Variants in METTL8 observed in about 807,000 individuals in gnomAD.
METTL8 encodes tRNA N(3)-cytidine methyltransferase METTL8, mitochondrial.
Under a neutral mutation model 48.7 loss-of-function variants are expected in METTL8, and 32 were observed. The ratio of observed to expected loss-of-function variants is 0.66; its 90% confidence interval spans 0.50 to 0.88. The LOEUF (loss-of-function observed/expected upper bound fraction) is 0.88. Ranked by LOEUF, METTL8 falls within the 40% of genes least tolerant of loss-of-function variation. The probability of loss-of-function intolerance (pLI) is 0.00; values close to 1 mark genes in which losing one functional copy is unlikely to be tolerated. For synonymous variants in METTL8, 136 were observed against 157.1 expected, an observed-to-expected ratio of 0.87 and a Z score of 1.01; for missense variants, 464 against 474.4, an observed-to-expected ratio of 0.98 and a Z score of 0.20.
In METTL8 at chr2:171,368,144, G is replaced by A. The variant is rs376279996; in HGVS notation, c.144-7631C>T. Among the ~76,000 whole-genome samples the A allele has an allele frequency of 1.1e-4, 16 of 152,316 alleles. No individual in the cohort carries two copies. The East Asian group carries it at 2.9e-3, about 28-fold the overall frequency. On this transcript the variant is annotated intron_variant, in intron 2 of 9. Coordinates refer to ENST00000375258, the MANE Select transcript of METTL8 (RefSeq NM_001321154.2). The stretch of plus-strand genomic sequence containing the variant: ...CAATTAAAAAATTTTCAATTTTGCT[G>A]ATTGATGAAGCAGTAAAAACTATTA...
chr2:171,359,939 T>TG (rs1367976779), intron 3 of METTL8, among the ~76,000 whole-genome samples: 1 of 152,200 alleles, frequency 6.6e-6, no homozygotes, highest in East Asian at 1.9e-4. Context: ...AAGCCATTTA[T>TG]GAAGGTTGGC....
intron 1 of METTL8, among the ~76,000 whole-genome samples, chr2:171,405,279 A>C (rs1167103237): frequency 6.6e-6 from 1 of 152,164 alleles, no homozygotes; most frequent in African/African-American, 2.4e-5. Context: ...TGGTGGCTGA[A>C]GTCGAGAGGG....
chr2:171,408,008 G>A (rs1018058622), intron 1 of METTL8, among the ~76,000 whole-genome samples: 1 of 152,154 alleles, frequency 6.6e-6, no homozygotes, highest in Non-Finnish European at 1.5e-5. Context: ...TTTATAATGA[G>A]AGTTGCAATT....
intron 7 of METTL8, chr2:171,327,058 T>A (rs1685035630): frequency 6.6e-6 from 1 of 152,248 alleles, no homozygotes; most frequent in South Asian, 2.1e-4. Context: ...TGCTTGGCCC[T>A]GAGCAGCCTC....
rs1684388856 is a variant in METTL8, at chr2:171,318,877, TC to T, written c.*5294del. 6.6e-6 allele frequency: 1 copy of T among 152,018 alleles called. No homozygotes were observed. The highest frequency in any genetic ancestry group is 6.6e-5 in the Admixed American group (1 of 15,252). 9.4% of individuals were successfully genotyped at this position (152,018 alleles called of 1,614,324 possible). Reference sequence around the variant, plus strand: ...GGTTTTGGAATCAGAGAGTTCTGGGTCCGAGTTGTGACTCTGCTACTTACTA... The same window carrying T: ...GGTTTTGGAATCAGAGAGTTCTGGGTCGAGTTGTGACTCTGCTACTTACTA... On this transcript the variant is annotated 3_prime_UTR_variant, in exon 10 of 10. Coordinates refer to ENST00000375258, the MANE Select transcript of METTL8 (RefSeq NM_001321154.2).
intron 5 of METTL8, among the ~76,000 whole-genome samples, chr2:171,334,086 C>G (rs1331237626): frequency 6.6e-6 from 1 of 151,748 alleles, no homozygotes; most frequent in African/African-American, 2.4e-5. Flanking sequence ...CAAAACAAAA[C>G]AAAACAAAAC....
chr2:171,424,411 ACT>A (rs765259707), intron 1 of METTL8, among the ~76,000 whole-genome samples: 3 of 151,932 alleles, frequency 2.0e-5, no homozygotes, highest in Non-Finnish European at 4.4e-5. Flanking sequence ...AGCCTCAGAC[ACT>A]CTACACCAGC....
chr2:171,428,859 C>A (rs1244338777), intron 1 of METTL8, among the ~76,000 whole-genome samples: 4 of 152,066 alleles, frequency 2.6e-5, no homozygotes, highest in Non-Finnish European at 5.9e-5. Flanking sequence ...AATATAAAGG[C>A]ACATTGGCTT....
chr2:171,364,088 C>T (rs937924067), intron 2 of METTL8, among the ~76,000 whole-genome samples: 3 of 151,950 alleles, frequency 2.0e-5, no homozygotes, highest in Admixed American at 6.6e-5. Context: ...GCTAGGATTA[C>T]AAGCGCGAGC....
In METTL8 at chr2:171,405,978, G is replaced by GA. The variant is rs1574164669; in HGVS notation, c.-12-13782dup. Among the ~76,000 whole-genome samples, 5 of 152,208 alleles carry GA rather than the reference G, an allele frequency of 3.3e-5. No individual in the cohort carries two copies. The East Asian group carries it at 9.6e-4, about 29-fold the overall frequency. The stretch of plus-strand genomic sequence containing the variant: ...AACATTTGAATAAAAGAATGTCAAT[G>GA]AACATAAGTTGCCTATCTAAAGATG... On this transcript the variant is annotated intron_variant, in intron 1 of 9. Coordinates refer to ENST00000375258, the MANE Select transcript of METTL8 (RefSeq NM_001321154.2).
intron 3 of METTL8, among the ~76,000 whole-genome samples, chr2:171,341,743 AAAGC>A (rs1686793953): frequency 6.6e-6 from 1 of 152,094 alleles, no homozygotes; most frequent in African/African-American, 2.4e-5. Flanking sequence ...GTTAGGTGAA[AAAGC>A]AAGGTATATA....
At chr2:171,432,307 A>T (rs546417932) in intron 1 of METTL8, among the ~76,000 whole-genome samples, 2 of 152,340 alleles carry the variant, frequency 1.3e-5, no homozygotes, top group East Asian at 3.9e-4. Context: ...GTGAGGCCCT[A>T]AATTACTTAG....
intron 1 of METTL8, among the ~76,000 whole-genome samples, chr2:171,424,109 G>A (rs1045995484): frequency 6.6e-5 from 10 of 152,198 alleles, no homozygotes; most frequent in South Asian, 4.1e-4. Flanking sequence ...CAGCTTCCAC[G>A]TGTTATTGGG....
At chr2:171,434,118 C>T (rs1574295473), upstream of METTL8, 2 of 339,272 alleles carry the variant, frequency 5.9e-6, no homozygotes, top group East Asian at 1.7e-4. Flanking sequence ...AGCGCGCCCG[C>T]AAGACAGCGC....
chr2:171,381,692 T>C (rs924985297), intron 2 of METTL8, among the ~76,000 whole-genome samples: 1 of 151,556 alleles, frequency 6.6e-6, no homozygotes, highest in Admixed American at 6.6e-5. Context: ...ATCAAAACCA[T>C]GATGAGATAT....
At chr2:171,334,380 T>C (rs554145484) in intron 5 of METTL8, among the ~76,000 whole-genome samples, 1 of 152,134 alleles carries the variant, frequency 6.6e-6, no homozygotes, top group Admixed American at 6.5e-5. Context: ...TTCTGTAAAA[T>C]CAGCTGACTA....
At chr2:171,406,634 TC>T (rs1181147324) in intron 1 of METTL8, among the ~76,000 whole-genome samples, 1 of 152,060 alleles carries the variant, frequency 6.6e-6, no homozygotes, top group Non-Finnish European at 1.5e-5. Flanking sequence ...CTTTATTACC[TC>T]CATAAAGGCC....
chr2:171,370,449 T>C (rs1686204359), intron 2 of METTL8, among the ~76,000 whole-genome samples: 1 of 152,190 alleles, frequency 6.6e-6, no homozygotes, highest in African/African-American at 2.4e-5. Flanking sequence ...TGGAAAATCA[T>C]TTAAATTTTT....
At chr2:171,423,625 G>A (rs952509452) in intron 1 of METTL8, among the ~76,000 whole-genome samples, 1 of 152,194 alleles carries the variant, frequency 6.6e-6, no homozygotes, top group Non-Finnish European at 1.5e-5. Flanking sequence ...AAAGATACTG[G>A]AGGCATTTTG....
Sources: gnomAD v4.1 joint callset for allele counts (sites outside exome capture counted in the v4.1 genomes callset) on GRCh38, gnomAD v4.1.1 for gene constraint, MANE v1.5 for transcripts, NCBI Gene and HGNC (gene_info 2026-07-23, HGNC 2026-07-21) for gene names.